Variants in TESK2 observed in about 807,000 individuals in gnomAD.
The protein encoded by TESK2 is testis associated actin remodelling kinase 2, also known as dual specificity testis-specific protein kinase 2.
Under a neutral mutation model 57.1 loss-of-function variants are expected in TESK2, and 39 were observed. The observed-to-expected ratio is 0.68, with a 90% CI of 0.53 to 0.89. The LOEUF (loss-of-function observed/expected upper bound fraction) is 0.89. Ranked by LOEUF, TESK2 falls within the 40% of genes least tolerant of loss-of-function variation. TESK2 has a pLI of 0.00. For missense variants in TESK2, 646 were observed against 732.1 expected (o/e 0.88, Z 1.36); for synonymous variants, 249 against 267.9 (o/e 0.93, Z 0.69).
At chr1:45,486,111 G>A (rs1244097028) in intron 1 of TESK2, among the ~76,000 whole-genome samples, 3 of 152,022 alleles carry the variant, frequency 2.0e-5, no homozygotes, top group African/African-American at 7.2e-5. Context: ...GATTGTTCAG[G>A]GAAAATAACA....
chr1:45,382,725 C>A (rs1027380342), intron 4 of TESK2, among the ~76,000 whole-genome samples: 2 of 152,062 alleles, frequency 1.3e-5, no homozygotes, highest in African/African-American at 4.8e-5. Context: ...ACAAAATTAG[C>A]CGGTCATGGT....
At chr1:45,470,766 T>C (rs1210832915) in intron 1 of TESK2, among the ~76,000 whole-genome samples, 1 of 152,260 alleles carries the variant, frequency 6.6e-6, no homozygotes, top group Non-Finnish European at 1.5e-5. Flanking sequence ...TGCAAGGCTT[T>C]AGGACAGGTG....
At chr1:45,487,955 C>T (rs1473374451) in intron 1 of TESK2, among the ~76,000 whole-genome samples, 1 of 151,264 alleles carries the variant, frequency 6.6e-6, no homozygotes, top group Admixed American at 6.6e-5. Context: ...TTTTCTTTCC[C>T]CCAGGCTGGA....
At chr1:45,445,204 A>G (rs1651599825) in intron 2 of TESK2, among the ~76,000 whole-genome samples, 1 of 151,864 alleles carries the variant, frequency 6.6e-6, no homozygotes, top group African/African-American at 2.4e-5. Context: ...TATGATCTCA[A>G]CCTTGACCCA....
At chr1:45,392,371 C>G (rs1649181545) in intron 3 of TESK2, among the ~76,000 whole-genome samples, 1 of 152,156 alleles carries the variant, frequency 6.6e-6, no homozygotes, top group Admixed American at 6.5e-5. Context: ...TCCCAAAGTG[C>G]TGGGATTACA....
intron 2 of TESK2, among the ~76,000 whole-genome samples, chr1:45,423,061 GA>G (rs1205520755): frequency 7.4e-5 from 11 of 148,660 alleles, no homozygotes; most frequent in East Asian, 2.0e-4. Context: ...TAATACCTTA[GA>G]AAAAAAAAAT....
chr1:45,448,422 G>A (rs1651734214), intron 2 of TESK2, among the ~76,000 whole-genome samples: 1 of 152,020 alleles, frequency 6.6e-6, no homozygotes, highest in Non-Finnish European at 1.5e-5. Flanking sequence ...AATTTATAAA[G>A]AAAAGAGGTT....
chr1:45,367,001 G>A (rs763319186), intron 4 of TESK2, among the ~76,000 whole-genome samples: 2 of 152,088 alleles, frequency 1.3e-5, no homozygotes, highest in Non-Finnish European at 2.9e-5. Flanking sequence ...GGGCATAGTG[G>A]TGCATGCCTG....
chr1:45,362,702 A>G (rs1011340796), intron 4 of TESK2, among the ~76,000 whole-genome samples: 1 of 152,200 alleles, frequency 6.6e-6, no homozygotes, highest in African/African-American at 2.4e-5. Context: ...TCTAACTAGC[A>G]GAGATAATTT....
At position 45,486,782 on chromosome 1, in the gene TESK2, T is replaced by TACACACACACACACACACACACACACAC. The variant is rs71052887; in HGVS notation, c.-87+4042_-87+4069dup. On this transcript the variant is annotated intron_variant, in intron 1 of 10. Transcript: ENST00000372086. ...GTGGAGAGTCCCTAGCCTCCCAGCA[T>TACACACACACACACACACACACACACAC]ACACACACACACACACACACACACA... Among the ~76,000 whole-genome samples the TACACACACACACACACACACACACACAC allele has an allele frequency of 3.0e-4, 35 of 115,888 alleles. 1 individual carries two copies. The highest frequency in any genetic ancestry group is 4.4e-3 in the Middle Eastern group (1 of 228). The allele number at this position is 115,888 out of a possible 152,430, so 76.0% of individuals were successfully genotyped here.
At chr1:45,461,156 C>T (rs1005481360) in intron 1 of TESK2, among the ~76,000 whole-genome samples, 1 of 114,728 alleles carries the variant, frequency 8.7e-6, no homozygotes, top group South Asian at 2.6e-4. Flanking sequence ...CTGCCCCTGG[C>T]CACTGTTTTT....
chr1:45,389,958 A>G (rs1362665866), intron 3 of TESK2, among the ~76,000 whole-genome samples: 2 of 152,208 alleles, frequency 1.3e-5, no homozygotes, highest in Non-Finnish European at 2.9e-5. Context: ...TCTCTTTTTC[A>G]TAACCCTTCA....
Position 45,345,878 on chromosome 1 carries a change from C to G in TESK2, c.996G>C (p.Arg332Ser), listed in dbSNP as rs778883567. The change falls in exon 10 of 11, where the codon AGG becomes AGC. Residue 332 changes from arginine (R) to serine (S), a missense_variant and splice_region_variant. Coordinates refer to ENST00000372086, the MANE Select transcript of TESK2 (RefSeq NM_007170.3). ...ERDRKLQPTA[R>S]GLLEKAPGVK... The stretch of plus-strand genomic sequence containing the variant: ...GGGCTCCCTGGTCTAATCTCTTACC[C>G]CTGGCTGTGGGCTGCAGCTTCCTAT... 4.3e-6 allele frequency: 7 copies of G among 1,613,338 alleles called. No individual in the cohort carries two copies. Among genetic ancestry groups the G allele is most frequent in the South Asian group, 3.3e-5 (3 of 91,048 alleles).
At chr1:45,371,601 G>A (rs1027141742) in intron 4 of TESK2, among the ~76,000 whole-genome samples, 4 of 152,118 alleles carry the variant, frequency 2.6e-5, no homozygotes, top group African/African-American at 9.7e-5. Flanking sequence ...GGTGGCTCAC[G>A]CCTGTAATCC....
chr1:45,387,336 G>A (rs1648944912), intron 3 of TESK2, among the ~76,000 whole-genome samples: 2 of 151,964 alleles, frequency 1.3e-5, no homozygotes, highest in South Asian at 4.2e-4. Context: ...TCAACCAACA[G>A]GTTATATTTA....
At position 45,345,565 on chromosome 1, in the gene TESK2, A is replaced by G. The variant is rs1294713094; in HGVS notation, c.998-7T>C. On this transcript the variant is annotated splice_region_variant and splice_polypyrimidine_tract_variant and intron_variant, in intron 10 of 10. Coordinates refer to ENST00000372086, the MANE Select transcript of TESK2 (RefSeq NM_007170.3). The stretch of plus-strand genomic sequence containing the variant: ...GGTGCTTTCTCCAAGAGTCCTGAAG[A>G]ATAATCAAGTCTGGGTTACTCTCAC... 6.2e-7 allele frequency: 1 copy of G among 1,609,442 alleles called. No homozygotes were observed. The highest frequency in any genetic ancestry group is 1.7e-5 in the Admixed American group (1 of 59,830).
At position 45,457,640 on chromosome 1, in the gene TESK2, G is replaced by A; in HGVS notation, c.146C>T (p.Ala49Val). The A allele has an allele frequency of 6.2e-7, 1 of 1,614,078 alleles. No individual in the cohort carries two copies. Among genetic ancestry groups the A allele is most frequent in the Non-Finnish European group, 8.5e-7 (1 of 1,180,016 alleles). ...WPSSYRALIS[A>V]FSRLTRLDDF... ...ATCCAAACGCGTCAGTCTGGAAAAG[G>A]CACTTATAAGAGCTCGATACGAAGA... Residue 49 changes from alanine (A) to valine (V), a missense_variant, in exon 2 of 11, where the codon GCC becomes GTC. Transcript: ENST00000372086.
At chr1:45,487,727 TAGC>T (rs1653540811) in intron 1 of TESK2, among the ~76,000 whole-genome samples, 1 of 152,194 alleles carries the variant, frequency 6.6e-6, no homozygotes, top group Non-Finnish European at 1.5e-5. Flanking sequence ...ACACTATCAA[TAGC>T]AGTGTAAAGT....
At chr1:45,420,296 G>A (rs1650417485) in intron 3 of TESK2, among the ~76,000 whole-genome samples, 1 of 152,156 alleles carries the variant, frequency 6.6e-6, no homozygotes, top group South Asian at 2.1e-4. Context: ...CTGGAGTGCA[G>A]TGCTGCAATC....
Sources: gnomAD v4.1 joint callset for allele counts (sites outside exome capture counted in the v4.1 genomes callset) on GRCh38, gnomAD v4.1.1 for gene constraint, MANE v1.5 for transcripts, NCBI Gene and HGNC (gene_info 2026-07-23, HGNC 2026-07-21) for gene names.